The following CTNNA2 variants were observed in gnomAD, a reference collection of about 807,000 sequenced individuals.
CTNNA2 encodes the protein catenin alpha-2.
In CTNNA2, 42 loss-of-function variants were observed where a neutral mutation model predicts 101.0. That is an observed-to-expected ratio of 0.42 (90% CI 0.32 to 0.54). CTNNA2 has a LOEUF of 0.54. Among genes scored for constraint, CTNNA2 ranks in the 20% least tolerant of loss-of-function variants. The pLI is 0.14. For missense variants in CTNNA2, 871 were observed against 1,223.1 expected, an observed-to-expected ratio of 0.71 and a Z score of 4.29; for synonymous variants, 450 against 456.4, an observed-to-expected ratio of 0.99 and a Z score of 0.18.
chr2:80,143,067 C>T, intron 7 of CTNNA2, among the ~76,000 whole-genome samples: 1 of 152,166 alleles, frequency 6.6e-6, no homozygotes, highest in East Asian at 1.9e-4. Context: ...CTTGTGTGCC[C>T]CATTAAGATT....
intron 7 of CTNNA2, among the ~76,000 whole-genome samples, chr2:80,189,683 C>T (rs964146364): frequency 6.6e-6 from 1 of 152,074 alleles, no homozygotes; most frequent in African/African-American, 2.4e-5. Context: ...CCTGGGCCGC[C>T]TATGTGGCGT....
chr2:79,530,078 G>A (rs1672647885), intron 1 of CTNNA2, among the ~76,000 whole-genome samples: 1 of 152,048 alleles, frequency 6.6e-6, no homozygotes, highest in African/African-American at 2.4e-5. Flanking sequence ...CTGCTCTGAA[G>A]GCTTTCTGTG....
At chr2:80,122,691 G>A (rs1701906372) in intron 7 of CTNNA2, among the ~76,000 whole-genome samples, 1 of 152,124 alleles carries the variant, frequency 6.6e-6, no homozygotes, top group Non-Finnish European at 1.5e-5. Flanking sequence ...GTGAATTATA[G>A]ATAATTATGT....
At chr2:80,127,054 T>G (rs1197400510) in intron 7 of CTNNA2, among the ~76,000 whole-genome samples, 1 of 152,112 alleles carries the variant, frequency 6.6e-6, no homozygotes, top group Non-Finnish European at 1.5e-5. Context: ...ACAGGAAACA[T>G]TTTTGGAGAA....
At chr2:80,083,120 A>G (rs1382818302) in intron 7 of CTNNA2, among the ~76,000 whole-genome samples, 2 of 152,136 alleles carry the variant, frequency 1.3e-5, no homozygotes, top group Admixed American at 6.5e-5. Flanking sequence ...GACATTCAAG[A>G]CATGGTTTGC....
intron 7 of CTNNA2, among the ~76,000 whole-genome samples, chr2:79,919,238 T>C (rs1466516404): frequency 6.6e-6 from 1 of 152,172 alleles, no homozygotes; most frequent in African/African-American, 2.4e-5. Context: ...ACCCTGTGGT[T>C]GGGTATCATT....
chr2:80,589,434 T>C lies in CTNNA2; in HGVS notation c.2138T>C (p.Val713Ala). The C allele has an allele frequency of 1.2e-6, 2 of 1,614,110 alleles. No homozygotes were observed. Among genetic ancestry groups the C allele is most frequent in the Non-Finnish European group, 1.7e-6 (2 of 1,179,982 alleles). Residue 713 changes from valine (V) to alanine (A), a missense_variant, in exon 15 of 19, where the codon GTA (valine) becomes GCA (alanine). By Grantham distance (64) the Val-to-Ala change is moderately conservative (BLOSUM62 0). This residue lies in a region of CTNNA2 where 93 missense variants were observed against 223.7 expected (regional missense o/e 0.42). Transcript: ENST00000402739. ...GACGACAGCGGCAATGATATCATTGTACTGGCCAAGCAGATGTGTATGATC... is the reference window on the plus strand; with the variant it reads ...GACGACAGCGGCAATGATATCATTGCACTGGCCAAGCAGATGTGTATGATC... ...KWDDSGNDII[V>A]LAKQMCMIMM... is the part of the protein sequence containing the mutation.
intron 4 of CTNNA2, among the ~76,000 whole-genome samples, chr2:79,467,990 C>T (rs1410651198): frequency 6.6e-6 from 1 of 152,122 alleles, no homozygotes; most frequent in Middle Eastern, 3.2e-3. Flanking sequence ...AAATAACCAG[C>T]TAACATCATA....
At chr2:79,764,261 T>A (rs535649167) in intron 3 of CTNNA2, among the ~76,000 whole-genome samples, 1 of 152,250 alleles carries the variant, frequency 6.6e-6, no homozygotes, top group Non-Finnish European at 1.5e-5. Flanking sequence ...TATTAAAGAA[T>A]GTTCTCTTCC....
chr2:80,324,646 T>C (rs1414518758), intron 7 of CTNNA2, among the ~76,000 whole-genome samples: 2 of 152,202 alleles, frequency 1.3e-5, no homozygotes, highest in Non-Finnish European at 2.9e-5. Context: ...TAGCTTCAAG[T>C]GATTTCCCAG....
intron 9 of CTNNA2, among the ~76,000 whole-genome samples, chr2:80,468,202 G>A (rs11676261): frequency 0.44 from 66,781 of 151,816 alleles, 17,287 homozygotes; most frequent in African/African-American, 0.69. Context: ...TTATCAGGGC[G>A]AAGTCTTCTG....
chr2:79,869,940 G>A lies in CTNNA2; in HGVS notation c.585+5G>A. On this transcript the variant is annotated splice_donor_5th_base_variant and intron_variant, in intron 5 of 18. Coordinates refer to ENST00000402739, the MANE Select transcript of CTNNA2 (RefSeq NM_001282597.3). ...GTAGCAGCAAGAAGACAACAGGTGG[G>A]AAAGATTTTAGAAATGCTAGGGGAG... The A allele has an allele frequency of 6.2e-7, 1 of 1,612,880 alleles. No homozygotes were observed. Among genetic ancestry groups the A allele is most frequent in the African/African-American group, 1.3e-5 (1 of 74,996 alleles).
chr2:79,530,307 G>A (rs917907610), intron 1 of CTNNA2, among the ~76,000 whole-genome samples: 4 of 152,086 alleles, frequency 2.6e-5, no homozygotes, highest in Admixed American at 2.6e-4. Context: ...AGCATTTCTT[G>A]TTAACAGGAT....
chr2:80,145,371 T>A (rs1703269016), intron 7 of CTNNA2, among the ~76,000 whole-genome samples: 1 of 152,164 alleles, frequency 6.6e-6, no homozygotes, highest in Non-Finnish European at 1.5e-5. Context: ...TTACCAGGCA[T>A]GTTATGCTTG....
chr2:79,256,665 G>A lies in CTNNA2; in HGVS notation c.-405-56044G>A, dbSNP rs116068183. Among the ~76,000 whole-genome samples the A allele has an allele frequency of 3.1e-3, 466 of 152,248 alleles. 3 individuals are homozygous for A. Among genetic ancestry groups the A allele is most frequent in the African/African-American group, 0.011 (457 of 41,536 alleles). Reference sequence around the variant, plus strand: ...TCATCCACTACTTGCTCAAGCATACGTTCCTGTCCGAGTTACTCCTGGGAG... The same window carrying A: ...TCATCCACTACTTGCTCAAGCATACATTCCTGTCCGAGTTACTCCTGGGAG... On this transcript the variant is annotated intron_variant, in intron 2 of 21. Transcript: ENST00000466387.
chr2:79,773,056 C>T (rs1024176376), intron 3 of CTNNA2, among the ~76,000 whole-genome samples: 17 of 152,044 alleles, frequency 1.1e-4, no homozygotes, highest in African/African-American at 2.9e-4. Context: ...CCATTTACTT[C>T]CAGAATTGGA....
intron 4 of CTNNA2, among the ~76,000 whole-genome samples, chr2:79,473,340 A>G (rs1671020661): frequency 2.0e-5 from 3 of 152,132 alleles, no homozygotes; most frequent in Non-Finnish European, 4.4e-5. Context: ...AAAGACAAAA[A>G]AATCACAAAT....
At chr2:79,653,650 C>A (rs1013533832) in intron 2 of CTNNA2, among the ~76,000 whole-genome samples, 3 of 152,146 alleles carry the variant, frequency 2.0e-5, no homozygotes, top group African/African-American at 7.2e-5. Flanking sequence ...AAGCACGTCT[C>A]CTAATTTTAG....
intron 2 of CTNNA2, among the ~76,000 whole-genome samples, chr2:79,311,960 T>C (rs1676384814): frequency 6.6e-6 from 1 of 152,108 alleles, no homozygotes; most frequent in Non-Finnish European, 1.5e-5. Flanking sequence ...TGGAGTACAG[T>C]GGGACAATCA....
Sources: gnomAD v4.1 joint callset for allele counts (sites outside exome capture counted in the v4.1 genomes callset) on GRCh38, gnomAD v4.1.1 for gene constraint, gnomAD v4.1.1 regional missense constraint, MANE v1.5 for transcripts, NCBI Gene and HGNC (gene_info 2026-07-23, HGNC 2026-07-21) for gene names.